TMEM178B: variants seen among roughly 807,000 people sequenced by gnomAD.
TMEM178B encodes transmembrane protein 178B.
TMEM178B carries 5 observed loss-of-function variants against 31.0 expected under a neutral mutation model. The observed-to-expected ratio is 0.16, with a 90% CI of 0.08 to 0.34. The LOEUF (loss-of-function observed/expected upper bound fraction) is 0.34, where lower values mean the gene tolerates loss of function less well. Ranked by LOEUF, TMEM178B falls within the 10% of genes least tolerant of loss-of-function variation. The probability of loss-of-function intolerance (pLI) is 1.00; values close to 1 mark genes in which losing one functional copy is unlikely to be tolerated. For synonymous variants in TMEM178B, 164 were observed against 164.0 expected (o/e 1.00, Z 0.00); for missense variants, 275 against 400.3 (o/e 0.69, Z 2.67).
intron 1 of TMEM178B, among the ~76,000 whole-genome samples, chr7:141,103,259 T>C (rs1310311029): frequency 6.6e-6 from 1 of 152,212 alleles, no homozygotes; most frequent in Non-Finnish European, 1.5e-5. Flanking sequence ...TGGTTGTAGA[T>C]CACCGGGGTA....
intron 1 of TMEM178B, among the ~76,000 whole-genome samples, chr7:141,199,228 G>A (rs369098494): frequency 3.9e-5 from 6 of 152,304 alleles, no homozygotes; most frequent in African/African-American, 1.4e-4. Context: ...AAAGGAATTA[G>A]GATAAAAAGG....
At chr7:141,368,428 G>A (rs914649261) in intron 2 of TMEM178B, among the ~76,000 whole-genome samples, 2 of 152,330 alleles carry the variant, frequency 1.3e-5, no homozygotes, top group South Asian at 4.1e-4. Flanking sequence ...TGCATAAAGT[G>A]TATTTATCAT....
intron 1 of TMEM178B, among the ~76,000 whole-genome samples, chr7:141,086,230 C>T (rs571516914): frequency 2.0e-5 from 3 of 152,242 alleles, no homozygotes; most frequent in Admixed American, 2.0e-4. Context: ...TGGGGTTTCA[C>T]CATGTTGGCC....
At chr7:141,459,049 G>A (rs1802014995) in intron 3 of TMEM178B, among the ~76,000 whole-genome samples, 1 of 152,152 alleles carries the variant, frequency 6.6e-6, no homozygotes, top group Non-Finnish European at 1.5e-5. Context: ...TGTTTTTTGA[G>A]ACAGAGTTTC....
In TMEM178B at chr7:141,124,474, T is replaced by C. The variant is rs181513363; in HGVS notation, c.382+49782T>C. On this transcript the variant is annotated intron_variant, in intron 1 of 3. Coordinates refer to ENST00000565468, the MANE Select transcript of TMEM178B (RefSeq NM_001195278.2). ...TCAAACATTAAGAAGTGATGATTTT[T>C]CTTGTGTCTCCTTCTGCCTCCTTTT... 2.0e-5 allele frequency among the ~76,000 whole-genome samples: 3 copies of C among 152,380 alleles called. No individual in the cohort carries two copies. The East Asian group carries it at 5.8e-4, about 29-fold the overall frequency.
At chr7:141,309,041 G>T (rs1190862526) in intron 2 of TMEM178B, among the ~76,000 whole-genome samples, 2 of 152,060 alleles carry the variant, frequency 1.3e-5, no homozygotes, top group Non-Finnish European at 2.9e-5. Flanking sequence ...ACTACAAGAG[G>T]CTTTATTTTG....
intron 2 of TMEM178B, among the ~76,000 whole-genome samples, chr7:141,411,056 C>T (rs566468430): frequency 7.9e-5 from 12 of 151,186 alleles, no homozygotes; most frequent in Non-Finnish European, 1.6e-4. Context: ...CCATTTTACT[C>T]GAATAAAATA....
At chr7:141,467,810 G>T (rs1319903507) in intron 3 of TMEM178B, among the ~76,000 whole-genome samples, 1 of 151,934 alleles carries the variant, frequency 6.6e-6, no homozygotes. Flanking sequence ...CTAAATATTT[G>T]TCCCCAGGTG....
the TMEM178B span, among the ~76,000 whole-genome samples, chr7:141,504,197 T>A: frequency 6.6e-6 from 1 of 152,216 alleles, no homozygotes; most frequent in African/African-American, 2.4e-5. Context: ...CTTGTTAAAT[T>A]CCAATTAAAT....
intron 1 of TMEM178B, among the ~76,000 whole-genome samples, chr7:141,091,268 A>G (rs1042481850): frequency 3.3e-5 from 5 of 152,176 alleles, no homozygotes; most frequent in Admixed American, 6.6e-5. Flanking sequence ...TTTAAAAAAA[A>G]TTGTAAATAT....
At chr7:141,099,500 G>A (rs968575333) in intron 1 of TMEM178B, among the ~76,000 whole-genome samples, 2 of 152,198 alleles carry the variant, frequency 1.3e-5, no homozygotes, top group African/African-American at 4.8e-5. Flanking sequence ...GGACTCATAT[G>A]TAGCCAGCAA....
chr7:141,074,739 T>C lies in TMEM178B; in HGVS notation c.382+47T>C. ...TGGCGCTGCGGAGAGCCCGGCGCCT[T>C]TAGGCCCCGCAGCCCCTCGCGTCTC... is the stretch of plus-strand genomic sequence containing the variant. On this transcript the variant is annotated intron_variant, in intron 1 of 3. Coordinates refer to ENST00000565468, the MANE Select transcript of TMEM178B (RefSeq NM_001195278.2). The surrounding 1 kb of genome is among the most constrained non-coding windows in gnomAD (Gnocchi z 5.1). 1 of 1,439,548 alleles carries C rather than the reference T, an allele frequency of 6.9e-7. No homozygotes were observed. Among genetic ancestry groups the C allele is most frequent in the Non-Finnish European group, 9.1e-7 (1 of 1,102,104 alleles). 89.2% of individuals were successfully genotyped at this position (1,439,548 alleles called of 1,614,324 possible).
chr7:141,280,759 G>A (rs540467203), intron 2 of TMEM178B, among the ~76,000 whole-genome samples: 1 of 152,024 alleles, frequency 6.6e-6, no homozygotes, highest in South Asian at 2.1e-4. Flanking sequence ...CAGAGGTTCT[G>A]ATTCCACGGG....
At chr7:141,205,961 C>T (rs1796955732) in intron 1 of TMEM178B, among the ~76,000 whole-genome samples, 1 of 152,222 alleles carries the variant, frequency 6.6e-6, no homozygotes, top group Non-Finnish European at 1.5e-5. Context: ...TCTTGCTCCA[C>T]CAGCCTCCTG....
At chr7:141,093,723 G>A (rs150024566) in intron 1 of TMEM178B, among the ~76,000 whole-genome samples, 51 of 152,272 alleles carry the variant, frequency 3.3e-4, no homozygotes, top group African/African-American at 1.1e-3. Flanking sequence ...GAGAACATTC[G>A]GGAAAGTGTG....
chr7:141,382,226 T>C (rs1390717995), intron 2 of TMEM178B, among the ~76,000 whole-genome samples: 1 of 152,196 alleles, frequency 6.6e-6, no homozygotes, highest in Non-Finnish European at 1.5e-5. Flanking sequence ...CCTATTACGC[T>C]TAGGTCAATA....
intron 2 of TMEM178B, among the ~76,000 whole-genome samples, chr7:141,338,741 G>A (rs912949534): frequency 6.6e-6 from 1 of 152,178 alleles, no homozygotes; most frequent in Admixed American, 6.5e-5. Context: ...GTGGTGGGTG[G>A]GGTATGCAGA....
intron 1 of TMEM178B, among the ~76,000 whole-genome samples, chr7:141,122,906 G>A (rs529732015): frequency 3.9e-5 from 6 of 152,158 alleles, no homozygotes; most frequent in Non-Finnish European, 8.8e-5. Context: ...CTGCCCACTT[G>A]CAGGCGGATC....
rs372352046 is a variant in TMEM178B at position 141,218,616 on chromosome 7, TCTTAA to T, written c.496+5917_496+5921del. Among the ~76,000 whole-genome samples, 73 of 144,378 alleles carry T rather than the reference TCTTAA, an allele frequency of 5.1e-4. 1 individual carries two copies. Among genetic ancestry groups the T allele is most frequent in the African/African-American group, 1.8e-3 (71 of 38,926 alleles). 94.7% of individuals were successfully genotyped at this position (144,378 alleles called of 152,430 possible). Reference sequence around the variant, plus strand: ...TCTGGTGTGGATCTTGGGGCAGGACTCTTAACTTATGTTTCTTGGCTAAGCCCAAC... The same window carrying T: ...TCTGGTGTGGATCTTGGGGCAGGACTCTTATGTTTCTTGGCTAAGCCCAAC... On this transcript the variant is annotated intron_variant, in intron 2 of 3. Transcript: ENST00000565468.
Sources: allele counts gnomAD v4.1 joint callset (sites outside exome capture counted in the v4.1 genomes callset), GRCh38; gene constraint gnomAD v4.1.1; non-coding constraint Gnocchi (gnomAD v3.1); transcripts MANE v1.5; gene names NCBI Gene and HGNC (gene_info 2026-07-23, HGNC 2026-07-21).